Variants in SLC51A observed in about 807,000 individuals in gnomAD.
SLC51A encodes organic solute transporter subunit alpha.
A neutral mutation model predicts 34.8 loss-of-function variants in SLC51A; 22 were observed. That is an observed-to-expected ratio of 0.63 (90% CI 0.45 to 0.90). SLC51A has a LOEUF of 0.90. SLC51A is among the 40% of genes least tolerant of loss of function. SLC51A has a pLI of 0.00. For synonymous variants in SLC51A, 181 were observed against 176.3 expected (o/e 1.03, Z -0.21); for missense variants, 371 against 414.8 (o/e 0.89, Z 0.92).
Position 196,233,162 on chromosome 3 carries a change from T to C in SLC51A, c.986T>C (p.Phe329Ser). The stretch of plus-strand genomic sequence containing the variant: ...GACCACAAGGTTGGGTATGAAACTT[T>C]CTCTTCTCCAGACCTGGACTTGAAC... ...RKDHKVGYET[F>S]SSPDLDLNLK... The change falls in exon 9 of 9, where the codon TTC (phenylalanine) becomes TCC (serine). Residue 329 changes from phenylalanine (F) to serine (S), a missense_variant. Coordinates refer to ENST00000296327, the MANE Select transcript of SLC51A (RefSeq NM_152672.6). 1 of 1,614,232 alleles carries C rather than the reference T, an allele frequency of 6.2e-7. No homozygotes were observed. Among genetic ancestry groups the C allele is most frequent in the African/African-American group, 1.3e-5 (1 of 75,062 alleles).
intron 8 of SLC51A, 193 bp from the exon 9 acceptor site, chr3:196,232,867 CAGA>C (rs1724056856): frequency 4.8e-6 from 3 of 620,410 alleles, no homozygotes; most frequent in Non-Finnish European, 8.5e-6. Flanking sequence ...CCTCAGAGCA[CAGA>C]AGTAGACAGC....
chr3:196,228,150 T>C lies in SLC51A; in HGVS notation c.398T>C (p.Val133Ala). Residue 133 changes from valine (V) to alanine (A), a missense_variant, in exon 5 of 9, where the codon GTC (valine) becomes GCC (alanine). Physicochemically the swap from Val to Ala is moderately conservative, Grantham distance 64. Transcript: ENST00000296327. The surrounding 1 kb of genome is among the most constrained non-coding windows in gnomAD (Gnocchi z 4.9). ...YAVCFYLLML[V>A]MVEGFGGKEA... Reference sequence around the variant, plus strand: ...GTGTGCTTTTACCTGCTGATGCTGGTCATGGTGGAAGGCTTTGGGGGGAAG... The same window carrying C: ...GTGTGCTTTTACCTGCTGATGCTGGCCATGGTGGAAGGCTTTGGGGGGAAG... 1 of 1,614,084 alleles carries C rather than the reference T, an allele frequency of 6.2e-7. No homozygotes were observed. The highest frequency in any genetic ancestry group is 8.5e-7 in the Non-Finnish European group (1 of 1,179,994).
chr3:196,225,017 G>A (rs1723861455), intron 2 of SLC51A, among the ~76,000 whole-genome samples: 1 of 150,456 alleles, frequency 6.6e-6, no homozygotes, highest in Non-Finnish European at 1.5e-5. Flanking sequence ...AGTATTATAG[G>A]TATTTTCCTT....
At chr3:196,227,633 G>A (rs1723930361) in intron 3 of SLC51A, 31 bp from the exon 4 acceptor site, 5 of 1,608,018 alleles carry the variant, frequency 3.1e-6, no homozygotes, top group South Asian at 2.2e-5. Context: ...TCTCCCTCCC[G>A]CCCTCACCTG....
intron 1 of SLC51A, among the ~76,000 whole-genome samples, chr3:196,217,553 A>G (rs1249588177): frequency 2.1e-5 from 3 of 142,238 alleles, no homozygotes; most frequent in Non-Finnish European, 3.1e-5. Context: ...AAAAGAAAAA[A>G]AAAGAAAGAA....
At chr3:196,232,986 C>A in intron 8 of SLC51A, 77 bp from the exon 9 acceptor site, 2 of 1,447,712 alleles carry the variant, frequency 1.4e-6, no homozygotes, top group Admixed American at 1.8e-5. Flanking sequence ...TTGCTCAACT[C>A]CCGTGCCCGG....
In SLC51A at chr3:196,227,056, G is replaced by A. The variant is rs773818028; in HGVS notation, c.225G>A (p.Leu75=). Reference sequence around the variant, plus strand: ...TCTTCCTGGAGGATGCCGTCTACCTGTACAAGAACACCCTTTGCCCCATCA... The same window carrying A: ...TCTTCCTGGAGGATGCCGTCTACCTATACAAGAACACCCTTTGCCCCATCA... ...IAIFLEDAVY[L]YKNTLCPIKR... is the part of the protein sequence containing the mutation. The change falls in exon 3 of 9, where the codon CTG becomes CTA. Residue 75 remains leucine (L), a synonymous_variant. Transcript: ENST00000296327. The A allele has an allele frequency of 1.2e-6, 2 of 1,614,104 alleles. No homozygotes were observed. The highest frequency in any genetic ancestry group is 1.7e-6 in the Non-Finnish European group (2 of 1,180,026).
chr3:196,232,051 A>G (rs971788147), intron 7 of SLC51A, among the ~76,000 whole-genome samples: 1 of 152,134 alleles, frequency 6.6e-6, no homozygotes, highest in African/African-American at 2.4e-5. Context: ...TTATTCTAGG[A>G]GCAGGGACCT....
intron 2 of SLC51A, among the ~76,000 whole-genome samples, chr3:196,222,784 T>C (rs1543975): frequency 0.32 from 47,931 of 151,650 alleles, 8,493 homozygotes; most frequent in East Asian, 0.54. Context: ...ATTCTTCAGC[T>C]GTGGAATACT....
chr3:196,230,488 C>A (rs1724004673), intron 7 of SLC51A, among the ~76,000 whole-genome samples: 1 of 151,588 alleles, frequency 6.6e-6, no homozygotes, highest in Admixed American at 6.6e-5. Flanking sequence ...ATATTCTCCC[C>A]TTGTGTTTCT....
rs759398366 is a variant in SLC51A at position 196,228,169 on chromosome 3, G to A, written c.417G>A (p.Gly139=). 6.2e-7 allele frequency: 1 copy of A among 1,614,148 alleles called. No homozygotes were observed. The highest frequency in any genetic ancestry group is 8.5e-7 in the Non-Finnish European group (1 of 1,180,032). ...TGCTGGTCATGGTGGAAGGCTTTGG[G>A]GGGAAGGAGGCAGTGCTGAGGACGC... ...LLMLVMVEGF[G]GKEAVLRTLR... The change falls in exon 5 of 9, where the codon GGG becomes GGA. Residue 139 remains glycine, a synonymous_variant. Transcript: ENST00000296327. This position sits in a 1 kb window ranked among gnomAD's most constrained non-coding sequence, Gnocchi z 4.9.
chr3:196,218,003 G>A, intron 2 of SLC51A, 67 bp downstream of exon 2: 1 of 1,462,050 alleles, frequency 6.8e-7, no homozygotes, highest in Non-Finnish European at 9.4e-7. Context: ...TGGAGCTGGG[G>A]AGAGGCGGCC....
chr3:196,226,823 G>T, intron 2 of SLC51A, 142 bp from the exon 3 acceptor site: 12 of 495,936 alleles, frequency 2.4e-5, no homozygotes, highest in Non-Finnish European at 4.1e-5. Flanking sequence ...TTCTTAGGTT[G>T]AATACTCTAG....
At chr3:196,230,258 A>G (rs1724001020) in intron 7 of SLC51A, among the ~76,000 whole-genome samples, 197 bp downstream of exon 7, 1 of 152,172 alleles carries the variant, frequency 6.6e-6, no homozygotes, top group South Asian at 2.1e-4. Flanking sequence ...CAGGGCTGCC[A>G]TGACAAAATA....
intron 6 of SLC51A, 90 bp from the exon 7 acceptor site, chr3:196,229,825 G>A: frequency 6.9e-7 from 1 of 1,452,090 alleles, no homozygotes; most frequent in Non-Finnish European, 9.2e-7. Flanking sequence ...TGCACTTTCA[G>A]CTGGGTGACA....
At chr3:196,222,346 G>A (rs1372007474) in intron 2 of SLC51A, among the ~76,000 whole-genome samples, 6 of 152,098 alleles carry the variant, frequency 3.9e-5, no homozygotes, top group African/African-American at 1.4e-4. Flanking sequence ...AGGAAGTTAA[G>A]TTTTGTGACC....
chr3:196,227,955 C>A, intron 4 of SLC51A, 160 bp from the exon 5 acceptor site: 2 of 1,055,868 alleles, frequency 1.9e-6, no homozygotes, highest in East Asian at 2.4e-5. Flanking sequence ...TGAAATTCCC[C>A]TTCTCCCAGT....
Position 196,217,854 on chromosome 3 carries a change from T to C in SLC51A, c.51T>C (p.Asp17=). Residue 17 remains aspartate, a synonymous_variant, in exon 2 of 9, where the codon GAT becomes GAC. Transcript: ENST00000296327. ...QIKLDPRYTA[D]LLEVLKTNYG... ...GGTGTCTCGCCAGGTACACAGCAGA[T>C]CTTCTGGAGGTGCTGAAGACCAATT... 6.2e-7 allele frequency: 1 copy of C among 1,613,574 alleles called. No individual in the cohort carries two copies. The highest frequency in any genetic ancestry group is 8.5e-7 in the Non-Finnish European group (1 of 1,179,810).
intron 2 of SLC51A, among the ~76,000 whole-genome samples, chr3:196,225,248 A>G (rs966776328): frequency 2.0e-5 from 3 of 152,094 alleles, no homozygotes; most frequent in African/African-American, 7.2e-5. Flanking sequence ...TGCTGGGACT[A>G]CCAGTGTGAG....
Sources: allele counts gnomAD v4.1 joint callset (sites outside exome capture counted in the v4.1 genomes callset), GRCh38; gene constraint gnomAD v4.1.1; non-coding constraint Gnocchi (gnomAD v3.1); transcripts MANE v1.5; gene names NCBI Gene and HGNC (gene_info 2026-07-23, HGNC 2026-07-21).